Variants in KMT2C observed in about 807,000 individuals in gnomAD.
KMT2C encodes lysine methyltransferase 2C.
KMT2C carries 88 observed loss-of-function variants against 507.9 expected under a neutral mutation model. The observed-to-expected ratio is 0.17, with a 90% CI of 0.15 to 0.21. The LOEUF (loss-of-function observed/expected upper bound fraction) is 0.21, where lower values mean the gene tolerates loss of function less well. Ranked by LOEUF, KMT2C falls within the 10% of genes least tolerant of loss-of-function variation. The pLI is 1.00. For missense variants in KMT2C, 4,954 were observed against 5,957.8 expected, an observed-to-expected ratio of 0.83 and a Z score of 5.55; for synonymous variants, 2,049 against 2,080.8, an observed-to-expected ratio of 0.98 and a Z score of 0.42.
chr7:152,385,396 A>G (rs1171400439), intron 1 of KMT2C, among the ~76,000 whole-genome samples: 2 of 135,720 alleles, frequency 1.5e-5, no homozygotes, highest in Non-Finnish European at 3.0e-5. Flanking sequence ...GCGGATCACG[A>G]GGTCAGGAGA....
At chr7:152,347,001 C>T (rs141411643) in intron 2 of KMT2C, among the ~76,000 whole-genome samples, 4 of 152,242 alleles carry the variant, frequency 2.6e-5, no homozygotes, top group African/African-American at 9.6e-5. Flanking sequence ...GTGGCATGTG[C>T]CTATAATCCC....
At chr7:152,291,713 C>A (rs2096430137) in intron 6 of KMT2C, among the ~76,000 whole-genome samples, 2 of 152,204 alleles carry the variant, frequency 1.3e-5, no homozygotes, top group African/African-American at 2.4e-5. Context: ...CTGGTAACAC[C>A]TATTCATCCA....
intron 6 of KMT2C, among the ~76,000 whole-genome samples, chr7:152,298,904 T>C (rs369976152): frequency 6.6e-6 from 1 of 152,190 alleles, no homozygotes; most frequent in Non-Finnish European, 1.5e-5. Context: ...TTATTATAGA[T>C]GAAGTGTACA....
intron 1 of KMT2C, among the ~76,000 whole-genome samples, chr7:152,362,981 A>C (rs778600209): frequency 6.6e-6 from 1 of 152,058 alleles, no homozygotes; most frequent in Non-Finnish European, 1.5e-5. Context: ...GAATTCTTTT[A>C]TTTCATCGGT....
intron 9 of KMT2C, among the ~76,000 whole-genome samples, chr7:152,253,517 A>C (rs1260408573): frequency 1.4e-5 from 2 of 138,640 alleles, no homozygotes; most frequent in South Asian, 2.2e-4. Context: ...TTCTCTACAA[A>C]AAAAAAAAAA....
chr7:152,205,988 T>C (rs71541742), intron 24 of KMT2C, among the ~76,000 whole-genome samples: 3,770 of 152,276 alleles, frequency 0.025, 129 homozygotes, highest in East Asian at 0.17. Flanking sequence ...CATTTATACA[T>C]GGGACACATA....
chr7:152,153,745 A>T (rs1034640390), intron 48 of KMT2C, among the ~76,000 whole-genome samples: 3 of 152,092 alleles, frequency 2.0e-5, no homozygotes, highest in Non-Finnish European at 4.4e-5. Context: ...AAAAAAAAAA[A>T]AAAAAGAGTT....
At chr7:152,266,631 A>G (rs1414868244) in intron 7 of KMT2C, among the ~76,000 whole-genome samples, 1 of 152,284 alleles carries the variant, frequency 6.6e-6, no homozygotes, top group African/African-American at 2.4e-5. Flanking sequence ...ATCTTGAAAC[A>G]GAGTAAAAAT....
At chr7:152,152,122 C>G (rs1249078713) in intron 49 of KMT2C, among the ~76,000 whole-genome samples, 2 of 152,132 alleles carry the variant, frequency 1.3e-5, no homozygotes, top group East Asian at 3.9e-4. Flanking sequence ...CAGCTAGAAG[C>G]CAAGAGGAGG....
At chr7:152,234,128 C>T (rs1254251225) in intron 16 of KMT2C, among the ~76,000 whole-genome samples, 1 of 151,972 alleles carries the variant, frequency 6.6e-6, no homozygotes, top group Non-Finnish European at 1.5e-5. Flanking sequence ...TGGCTCACGC[C>T]TGTAATTCCA....
At position 152,158,890 on chromosome 7, in the gene KMT2C, G is replaced by A. The variant is rs2129101421; in HGVS notation, c.11643C>T (p.Ser3881=). ...GTTTCAAGTGGGTAAACGTGTCAGT[G>A]CTAGAGTACATAGCTTGTTTCTCCT... ...DEEEKQAMYS[S]TDTFTHLKQQ... is the part of the protein sequence containing the mutation. Residue 3881 remains serine (S), a synonymous_variant, in exon 44 of 59, where the codon AGC becomes AGT. Coordinates refer to ENST00000262189, the MANE Select transcript of KMT2C (RefSeq NM_170606.3). 2.5e-6 allele frequency: 4 copies of A among 1,614,134 alleles called. No homozygotes were observed. The highest frequency in any genetic ancestry group is 3.4e-6 in the Non-Finnish European group (4 of 1,179,974).
chr7:152,374,127 A>G (rs1404438195), intron 1 of KMT2C, among the ~76,000 whole-genome samples: 2 of 150,614 alleles, frequency 1.3e-5, no homozygotes, highest in East Asian at 3.9e-4. Flanking sequence ...AGCCTGACCA[A>G]TATGGTGAAA....
At chr7:152,226,275 T>C (rs1413335196) in intron 18 of KMT2C, among the ~76,000 whole-genome samples, 4 of 136,806 alleles carry the variant, frequency 2.9e-5, no homozygotes, top group African/African-American at 1.1e-4. Context: ...CTCTGTTGCC[T>C]AGGCTGGAGT....
At position 152,149,635 on chromosome 7, in the gene KMT2C, T is replaced by C. The variant is rs544785521; in HGVS notation, c.12775-483A>G. 6.6e-5 allele frequency among the ~76,000 whole-genome samples: 10 copies of C among 152,322 alleles called. No homozygotes were observed. The South Asian group carries it at 1.7e-3, about 25-fold the overall frequency. Reference sequence around the variant, plus strand: ...ATCTGTTAATCTCAGCCTTAATCAATTGGTGTAAATGTTACAGAAAGGGAA... The same window carrying C: ...ATCTGTTAATCTCAGCCTTAATCAACTGGTGTAAATGTTACAGAAAGGGAA... On this transcript the variant is annotated intron_variant, in intron 51 of 58. Transcript: ENST00000262189.
At chr7:152,423,085 A>T (rs2097788174) in intron 1 of KMT2C, among the ~76,000 whole-genome samples, 1 of 152,192 alleles carries the variant, frequency 6.6e-6, no homozygotes, top group Non-Finnish European at 1.5e-5. Flanking sequence ...TCACGCCTGT[A>T]ATTCCAAAAC....
At chr7:152,313,364 T>A (rs1375855064) in intron 4 of KMT2C, among the ~76,000 whole-genome samples, 1 of 152,064 alleles carries the variant, frequency 6.6e-6, no homozygotes, top group East Asian at 1.9e-4. Context: ...TTATTACTAA[T>A]CAGGTCCTAA....
chr7:152,215,600 A>T (rs1176488176), intron 23 of KMT2C, among the ~76,000 whole-genome samples: 1 of 150,264 alleles, frequency 6.7e-6, no homozygotes, highest in East Asian at 1.9e-4. Flanking sequence ...TAAATTGCTT[A>T]TATTTCCATA....
rs1587689783 is a variant in KMT2C at position 152,148,912 on chromosome 7, G to A, written c.13015C>T (p.His4339Tyr). Residue 4339 changes from histidine (H) to tyrosine (Y), a missense_variant, in exon 52 of 59, where the codon CAT (histidine) becomes TAT (tyrosine). By Grantham distance (83) the His-to-Tyr change is moderately conservative. This residue lies in a region of KMT2C where 417 missense variants were observed against 461.1 expected (regional missense o/e 0.90). Coordinates refer to ENST00000262189, the MANE Select transcript of KMT2C (RefSeq NM_170606.3). The surrounding 1 kb of genome is among the most constrained non-coding windows in gnomAD (Gnocchi z 7.1). The part of the protein sequence containing the change: ...VKLKPRLRAV[H>Y]GGFEDCRPLN... Reference sequence around the variant, plus strand: ...GGCCTGCAATCTTCAAACCCACCATGGACAGCTCTTAGCCGAGGCTTCAGC... The same window carrying A: ...GGCCTGCAATCTTCAAACCCACCATAGACAGCTCTTAGCCGAGGCTTCAGC... 6.2e-7 allele frequency: 1 copy of A among 1,613,904 alleles called. No homozygotes were observed. The highest frequency in any genetic ancestry group is 8.5e-7 in the Non-Finnish European group (1 of 1,179,904).
At chr7:152,261,367 G>T (rs1266425964) in intron 9 of KMT2C, among the ~76,000 whole-genome samples, 1 of 152,036 alleles carries the variant, frequency 6.6e-6, no homozygotes, top group Non-Finnish European at 1.5e-5. Flanking sequence ...AAATTGATAG[G>T]AACAATTAAT....
Sources: allele counts gnomAD v4.1 joint callset (sites outside exome capture counted in the v4.1 genomes callset), GRCh38; gene constraint gnomAD v4.1.1; regional missense constraint gnomAD v4.1.1; non-coding constraint Gnocchi (gnomAD v3.1); transcripts MANE v1.5; gene names NCBI Gene and HGNC (gene_info 2026-07-23, HGNC 2026-07-21).